Variants in RIN3 observed in about 807,000 individuals in gnomAD.
RIN3 encodes the protein Ras and Rab interactor 3.
In RIN3, 54 loss-of-function variants were observed where a neutral mutation model predicts 76.3. The ratio of observed to expected loss-of-function variants is 0.71; its 90% CI spans 0.57 to 0.89. The LOEUF (loss-of-function observed/expected upper bound fraction) is 0.89. RIN3 is among the 40% of genes least tolerant of loss of function. The pLI is 0.00. For missense variants in RIN3, 1,256 were observed against 1,322.1 expected (o/e 0.95, Z 0.78); for synonymous variants, 576 against 564.0 (o/e 1.02, Z -0.30).
intron 1 of RIN3, among the ~76,000 whole-genome samples, chr14:92,540,492 G>A (rs568658105): frequency 2.0e-5 from 3 of 152,346 alleles, no homozygotes; most frequent in East Asian, 1.9e-4. Context: ...GAAATAGGCT[G>A]GAGGCATTTG....
At chr14:92,515,079 C>T in intron 1 of RIN3, 1 of 575,514 alleles carries the variant, frequency 1.7e-6, no homozygotes, top group Non-Finnish European at 3.1e-6. Context: ...CTGGCTCTCA[C>T]TCAGCTGGGA....
intron 4 of RIN3, among the ~76,000 whole-genome samples, chr14:92,618,636 T>G (rs1886058993): frequency 6.6e-6 from 1 of 152,220 alleles, no homozygotes; most frequent in Admixed American, 6.5e-5. Context: ...CCAGAACACA[T>G]GCACTGAAAA....
intron 5 of RIN3, among the ~76,000 whole-genome samples, chr14:92,650,523 T>G (rs1289328275): frequency 6.6e-6 from 1 of 152,244 alleles, no homozygotes; most frequent in East Asian, 1.9e-4. Context: ...TGAAGAGCCC[T>G]GGGTGAAAGG....
intron 1 of RIN3, among the ~76,000 whole-genome samples, chr14:92,537,924 A>C (rs530409666): frequency 3.5e-4 from 53 of 151,194 alleles, no homozygotes; most frequent in Non-Finnish European, 6.9e-4. Flanking sequence ...GCAGCCTCTG[A>C]CTCCTGGGTT....
In RIN3 at chr14:92,514,020, G is replaced by T. The variant is rs1896368299; in HGVS notation, c.44+44G>T. On this transcript the variant is annotated intron_variant, in intron 1 of 9. Transcript: ENST00000216487. The surrounding 1 kb of genome is among the most constrained non-coding windows in gnomAD (Gnocchi z 7.2). ...CCCCTCCTCCCTCGCGATCCCCACGGCCCGCGTCCTGGCCGCCCCACTCCA... is the reference window on the plus strand; with the variant it reads ...CCCCTCCTCCCTCGCGATCCCCACGTCCCGCGTCCTGGCCGCCCCACTCCA... 1 of 1,196,626 alleles carries T rather than the reference G, an allele frequency of 8.4e-7. No homozygotes were observed. Among genetic ancestry groups the T allele is most frequent in the Non-Finnish European group, 1.0e-6 (1 of 953,990 alleles). 74.1% of individuals were successfully genotyped at this position (1,196,626 alleles called of 1,614,324 possible).
At chr14:92,674,048 T>TA (rs1438325645) in intron 7 of RIN3, among the ~76,000 whole-genome samples, 1 of 151,326 alleles carries the variant, frequency 6.6e-6, no homozygotes, top group African/African-American at 2.4e-5. Flanking sequence ...GATAAACACA[T>TA]ATGGGGCACG....
chr14:92,558,886 TC>T (rs1447402643), intron 2 of RIN3, among the ~76,000 whole-genome samples: 2 of 101,264 alleles, frequency 2.0e-5, no homozygotes, highest in African/African-American at 4.1e-5. Context: ...TCTTTTCTTT[TC>T]TTTTTTTTTT....
At chr14:92,544,073 G>A (rs538827493) in intron 1 of RIN3, among the ~76,000 whole-genome samples, 96 of 152,230 alleles carry the variant, frequency 6.3e-4, no homozygotes, top group South Asian at 1.5e-3. Flanking sequence ...TGTGGGCTGG[G>A]TTCTTTAGTT....
chr14:92,579,215 A>C (rs1898358566), intron 3 of RIN3, among the ~76,000 whole-genome samples: 1 of 152,216 alleles, frequency 6.6e-6, no homozygotes, highest in Admixed American at 6.5e-5. Context: ...GGCGTGAGCC[A>C]CCGTGCCCGG....
chr14:92,651,950 C>T lies in RIN3; in HGVS notation c.901C>T (p.Pro301Ser). Residue 301 changes from proline to serine, a missense_variant, in exon 6 of 10, where the codon CCT (proline) becomes TCT (serine). This residue lies in a region of RIN3 where 610 missense variants were observed against 626.4 expected (regional missense o/e 0.97). Transcript: ENST00000216487. ...PCSPAQPPVLPALAPAPACPL... is the reference protein window; with the variant it reads ...PCSPAQPPVLSALAPAPACPL... ...CAGCCCAGCCCAGCCCCCTGTGCTC[C>T]CTGCTCTTGCCCCCGCCCCTGCCTG... 6.5e-7 allele frequency: 1 copy of T among 1,536,110 alleles called. No individual in the cohort carries two copies. Among genetic ancestry groups the T allele is most frequent in the Non-Finnish European group, 8.8e-7 (1 of 1,136,490 alleles).
rs1353052620 is a variant in RIN3 at position 92,588,438 on chromosome 14, C to A, written c.367+10961C>A. On this transcript the variant is annotated intron_variant, in intron 3 of 9. Coordinates refer to ENST00000216487, the MANE Select transcript of RIN3 (RefSeq NM_024832.5). ...ACAGTGTTTCTCCATGTTGATCAGG[C>A]TGGTCTTGAATTCCCAACCTCAGGT... Among the ~76,000 whole-genome samples, 3 of 152,062 alleles carry A rather than the reference C, an allele frequency of 2.0e-5. No homozygotes were observed. In the East Asian group the frequency reaches 5.8e-4, roughly 30 times the overall value.
chr14:92,550,379 GT>G, intron 1 of RIN3, among the ~76,000 whole-genome samples: 1 of 152,012 alleles, frequency 6.6e-6, no homozygotes, highest in Non-Finnish European at 1.5e-5. Flanking sequence ...CAATTACGTT[GT>G]TTTTACTTAT....
intron 4 of RIN3, among the ~76,000 whole-genome samples, chr14:92,630,277 C>T (rs539951017): frequency 2.0e-5 from 3 of 152,266 alleles, no homozygotes; most frequent in South Asian, 2.1e-4. Context: ...GATCACTTGA[C>T]GTCAGGAGTT....
rs1250091745 is a variant in RIN3 at position 92,513,988 on chromosome 14, C to A, written c.44+12C>A. 1.5e-5 allele frequency: 18 copies of A among 1,235,390 alleles called. No homozygotes were observed. The South Asian group carries it at 2.3e-4, about 16-fold the overall frequency. The allele number at this position is 1,235,390 out of a possible 1,614,324, so 76.5% of individuals were successfully genotyped here. A position where few individuals can be genotyped will look rare whatever the true frequency, so the allele number is the denominator to read the frequency against. ...GGGGACCCCACGGGGTAAGTCCGGG[C>A]GGCCGCCCCCTCCTCCCTCGCGATC... On this transcript the variant is annotated intron_variant, in intron 1 of 9. Transcript: ENST00000216487.
chr14:92,604,817 G>A (rs1279972222), intron 3 of RIN3, among the ~76,000 whole-genome samples: 1 of 148,516 alleles, frequency 6.7e-6, no homozygotes, highest in Non-Finnish European at 1.5e-5. Context: ...CACCAAGAAA[G>A]AATTACAGGT....
chr14:92,531,203 G>A (rs770057486), intron 1 of RIN3, among the ~76,000 whole-genome samples: 19 of 152,170 alleles, frequency 1.2e-4, no homozygotes, highest in Non-Finnish European at 2.6e-4. Context: ...GAAGGCAGCA[G>A]CAGATTCTGT....
intron 3 of RIN3, among the ~76,000 whole-genome samples, chr14:92,608,523 C>A (rs1329100594): frequency 6.7e-6 from 1 of 149,398 alleles, no homozygotes; most frequent in Non-Finnish European, 1.5e-5. Flanking sequence ...AACTGAATTT[C>A]TCTCTCTCTT....
At position 92,514,671 on chromosome 14, in the gene RIN3, G is replaced by C. The variant is rs2139983896; in HGVS notation, c.44+695G>C. Among the ~76,000 whole-genome samples the C allele has an allele frequency of 6.6e-6, 1 of 152,342 alleles. No homozygotes were observed. The highest frequency in any genetic ancestry group is 1.5e-5 in the Non-Finnish European group (1 of 68,024). ...CGAATGGTTTGGGAACTGACTTGGA[G>C]AGGAGTCCCCGGTGGCTAAGTCCCC... On this transcript the variant is annotated intron_variant, in intron 1 of 9. Transcript: ENST00000216487. The surrounding 1 kb of genome is among the most constrained non-coding windows in gnomAD (Gnocchi z 7.2).
At chr14:92,541,551 GGAGA>G (rs1384861438) in intron 1 of RIN3, among the ~76,000 whole-genome samples, 3 of 152,196 alleles carry the variant, frequency 2.0e-5, no homozygotes, top group African/African-American at 7.2e-5. Flanking sequence ...ACAATTCAAT[GGAGA>G]AAGAATCATC....
Sources: allele counts gnomAD v4.1 joint callset (sites outside exome capture counted in the v4.1 genomes callset), GRCh38; gene constraint gnomAD v4.1.1; regional missense constraint gnomAD v4.1.1; non-coding constraint Gnocchi (gnomAD v3.1); transcripts MANE v1.5; gene names NCBI Gene and HGNC (gene_info 2026-07-23, HGNC 2026-07-21).